BMPER: variants seen among roughly 807,000 people sequenced by gnomAD.
BMPER encodes BMP binding endothelial regulator.
In BMPER, 45 loss-of-function variants were observed where a neutral mutation model predicts 87.3. The observed-to-expected ratio is 0.52, with a 90% CI of 0.41 to 0.66. The LOEUF is 0.66. BMPER is among the 30% of genes least tolerant of loss of function. The pLI is 0.00. For missense variants in BMPER, 784 were observed against 867.5 expected (o/e 0.90, Z 1.21); for synonymous variants, 326 against 316.2 (o/e 1.03, Z -0.33).
At chr7:33,982,027 T>A (rs1039321895) in intron 6 of BMPER, among the ~76,000 whole-genome samples, 3 of 152,170 alleles carry the variant, frequency 2.0e-5, no homozygotes, top group Non-Finnish European at 4.4e-5. Flanking sequence ...AGAGTTGACC[T>A]TGCTCTGAAA....
At chr7:33,994,368 G>T (rs1340435155) in intron 6 of BMPER, among the ~76,000 whole-genome samples, 1 of 152,202 alleles carries the variant, frequency 6.6e-6, no homozygotes, top group East Asian at 1.9e-4. Flanking sequence ...ATTCGGGTGG[G>T]AGTGACCCGA....
intron 6 of BMPER, among the ~76,000 whole-genome samples, chr7:33,979,513 CCTT>C (rs1243684478): frequency 6.6e-6 from 1 of 152,026 alleles, no homozygotes; most frequent in Non-Finnish European, 1.5e-5. Flanking sequence ...ATGTTGGCAC[CCTT>C]CTTCTTTCCT....
intron 12 of BMPER, among the ~76,000 whole-genome samples, chr7:34,083,918 G>C (rs1789123554): frequency 6.6e-6 from 1 of 151,000 alleles, no homozygotes. Flanking sequence ...AGCCTTTTAG[G>C]AGGAAAGTCA....
intron 2 of BMPER, among the ~76,000 whole-genome samples, chr7:33,927,891 C>T (rs1784396925): frequency 6.6e-6 from 1 of 152,162 alleles, no homozygotes; most frequent in African/African-American, 2.4e-5. Flanking sequence ...GTTTCATCAC[C>T]CCTTTCCTTT....
At chr7:34,151,877 A>G (rs971627076) in intron 14 of BMPER, among the ~76,000 whole-genome samples, 1 of 152,238 alleles carries the variant, frequency 6.6e-6, no homozygotes, top group Non-Finnish European at 1.5e-5. Context: ...AGCTGATGAG[A>G]AGTCATTGAT....
chr7:34,001,059 A>G (rs1194706713), intron 6 of BMPER, among the ~76,000 whole-genome samples: 2 of 151,724 alleles, frequency 1.3e-5, no homozygotes, highest in Non-Finnish European at 1.5e-5. Context: ...TTTTTTTTAT[A>G]TATTGTTGTA....
At chr7:34,042,968 AG>A (rs1177192871) in intron 6 of BMPER, 1 of 152,228 alleles carries the variant, frequency 6.6e-6, no homozygotes, top group Non-Finnish European at 1.5e-5. Flanking sequence ...AAGACTTCAC[AG>A]GTGAGAAGGG....
intron 13 of BMPER, among the ~76,000 whole-genome samples, chr7:34,125,449 A>G (rs1790376605): frequency 6.6e-6 from 1 of 152,152 alleles, no homozygotes; most frequent in Non-Finnish European, 1.5e-5. Flanking sequence ...TATTGATCAT[A>G]TGGTAATAAA....
chr7:33,912,392 T>C (rs1042271702), intron 2 of BMPER, among the ~76,000 whole-genome samples: 15 of 152,116 alleles, frequency 9.9e-5, no homozygotes, highest in African/African-American at 3.6e-4. Context: ...TACTCAATGC[T>C]CCCCTTCCCC....
At chr7:34,068,948 A>G (rs986675477) in intron 11 of BMPER, among the ~76,000 whole-genome samples, 2 of 152,222 alleles carry the variant, frequency 1.3e-5, no homozygotes, top group African/African-American at 4.8e-5. Flanking sequence ...TTCATTCTAC[A>G]GGCCTCCCTG....
intron 13 of BMPER, among the ~76,000 whole-genome samples, chr7:34,086,827 G>T (rs983489087): frequency 6.6e-6 from 1 of 152,078 alleles, no homozygotes; most frequent in East Asian, 1.9e-4. Context: ...GTTTGGCCTG[G>T]GTGTACTTCC....
chr7:34,112,444 C>G lies in BMPER; in HGVS notation c.1745+26352C>G, dbSNP rs919613777. On this transcript the variant is annotated intron_variant, in intron 13 of 14. Transcript: ENST00000649409. ...CTCGGAGGCGGAGCTTGCAGTGAGC[C>G]GAGAGACGCCACAGGACTCCAGCCT... 8.2e-4 allele frequency among the ~76,000 whole-genome samples: 106 copies of G among 128,616 alleles called. 1 individual carries two copies. The highest frequency in any genetic ancestry group is 1.8e-3 in the Admixed American group (17 of 9,556). 84.4% of individuals were successfully genotyped at this position (128,616 alleles called of 152,430 possible). A position where few individuals can be genotyped will look rare whatever the true frequency, so the allele number is the denominator to read the frequency against.
At chr7:34,028,810 A>C (rs142380916) in intron 6 of BMPER, among the ~76,000 whole-genome samples, 623 of 151,620 alleles carry the variant, frequency 4.1e-3, no homozygotes, top group Non-Finnish European at 6.6e-3. Flanking sequence ...TAGAGTAAAC[A>C]CAAATTGCCA....
intron 13 of BMPER, among the ~76,000 whole-genome samples, chr7:34,097,372 C>T (rs955353501): frequency 6.6e-6 from 1 of 152,184 alleles, no homozygotes; most frequent in Non-Finnish European, 1.5e-5. Context: ...CAAATTATTA[C>T]AGTTTCATGC....
At chr7:33,915,332 T>C (rs1031468414) in intron 2 of BMPER, among the ~76,000 whole-genome samples, 1 of 152,236 alleles carries the variant, frequency 6.6e-6, no homozygotes, top group African/African-American at 2.4e-5. Flanking sequence ...AAAAACTTAC[T>C]ATTGTAAACT....
At chr7:34,022,948 G>A (rs761566562) in intron 6 of BMPER, among the ~76,000 whole-genome samples, 10 of 151,992 alleles carry the variant, frequency 6.6e-5, no homozygotes, top group Non-Finnish European at 7.4e-5. Flanking sequence ...ATCTGAGGGG[G>A]TTTAAGCCAA....
intron 8 of BMPER, among the ~76,000 whole-genome samples, chr7:34,053,585 T>G (rs1053638778): frequency 1.3e-5 from 2 of 152,232 alleles, no homozygotes; most frequent in African/African-American, 4.8e-5. Flanking sequence ...TATTACATAC[T>G]GTATTCTTAT....
At chr7:34,052,707 C>A (rs1002490705) in intron 8 of BMPER, among the ~76,000 whole-genome samples, 1 of 152,042 alleles carries the variant, frequency 6.6e-6, no homozygotes, top group East Asian at 1.9e-4. Flanking sequence ...AGTTAAAGGT[C>A]GGGAGAGGGA....
chr7:33,905,288 A>C (rs1345746322), upstream of BMPER: 3 of 407,934 alleles, frequency 7.4e-6, no homozygotes, highest in Non-Finnish European at 8.9e-6. Context: ...CTGCCGCAAC[A>C]CCCCTTCCTC....
Sources: gnomAD v4.1 joint callset for allele counts (sites outside exome capture counted in the v4.1 genomes callset) on GRCh38, gnomAD v4.1.1 for gene constraint, MANE v1.5 for transcripts, NCBI Gene and HGNC (gene_info 2026-07-23, HGNC 2026-07-21) for gene names.